CEMIP: variants seen among roughly 807,000 people sequenced by gnomAD.
The protein encoded by CEMIP is cell migration inducing hyaluronidase 1, also known as cell migration-inducing and hyaluronan-binding protein.
A neutral mutation model predicts 156.9 loss-of-function variants in CEMIP; 105 were observed. That is an observed-to-expected ratio of 0.67 (90% confidence interval 0.57 to 0.79). CEMIP has a LOEUF of 0.79. Among genes scored for constraint, CEMIP ranks in the 30% least tolerant of loss-of-function variants. CEMIP has a pLI of 0.00. For synonymous variants in CEMIP, 676 were observed against 668.4 expected (o/e 1.01, Z -0.17); for missense variants, 1,457 against 1,769.4 (o/e 0.82, Z 3.17).
chr15:80,929,474 C>A (rs1900822391), intron 21 of CEMIP, among the ~76,000 whole-genome samples: 1 of 152,190 alleles, frequency 6.6e-6, no homozygotes, highest in Admixed American at 6.5e-5. Flanking sequence ...ACTGTGAGTC[C>A]TTTTCTCTGA....
intron 1 of CEMIP, chr15:80,841,977 T>A (rs1275936981): frequency 1.0e-5 from 4 of 382,750 alleles, no homozygotes; most frequent in African/African-American, 9.0e-5. Flanking sequence ...CCTAGCACAG[T>A]GCCTGGGATA....
intron 19 of CEMIP, among the ~76,000 whole-genome samples, chr15:80,926,807 A>G (rs1346312222): frequency 6.2e-5 from 3 of 48,414 alleles, no homozygotes; most frequent in Non-Finnish European, 8.6e-5. Flanking sequence ...AGAGGCAGAG[A>G]GACTGAGCGG....
chr15:80,845,273 A>G (rs1450426027), intron 1 of CEMIP, among the ~76,000 whole-genome samples: 3 of 152,100 alleles, frequency 2.0e-5, no homozygotes, highest in Non-Finnish European at 4.4e-5. Flanking sequence ...TTCACAAAAA[A>G]TTTAAAATTT....
rs372030568 is a variant in CEMIP, at chr15:80,939,073, C to T, written c.3407+1094C>T. On this transcript the variant is annotated intron_variant, in intron 25 of 29. Coordinates refer to ENST00000394685, the MANE Select transcript of CEMIP (RefSeq NM_001293298.2). The stretch of plus-strand genomic sequence containing the variant: ...CACCTCTTTCCCCACACAAGTGCTA[C>T]GCCAGCTGGGGGCAGACAAGCTGGC... Among the ~76,000 whole-genome samples the T allele has an allele frequency of 1.1e-4, 16 of 152,316 alleles. No individual in the cohort carries two copies. In the South Asian group the frequency reaches 1.2e-3, roughly 12 times the overall value.
At chr15:80,835,252 C>T (rs542391219) in intron 1 of CEMIP, among the ~76,000 whole-genome samples, 181 of 152,180 alleles carry the variant, frequency 1.2e-3, no homozygotes, top group Non-Finnish European at 2.3e-3. Context: ...CTCCAAGTTC[C>T]CCCAATTCAC....
At chr15:80,815,489 G>C (rs1307831754) in intron 1 of CEMIP, among the ~76,000 whole-genome samples, 2 of 152,172 alleles carry the variant, frequency 1.3e-5, no homozygotes, top group African/African-American at 4.8e-5. Flanking sequence ...ACAATGCCTG[G>C]TATATAGTAG....
intron 1 of CEMIP, among the ~76,000 whole-genome samples, chr15:80,844,430 G>C (rs575476215): frequency 6.6e-6 from 1 of 152,344 alleles, no homozygotes; most frequent in South Asian, 2.1e-4. Flanking sequence ...AACAGCTGCA[G>C]GCTCCTCTTC....
At chr15:80,920,858 GCAC>G (rs1446599350) in intron 15 of CEMIP, among the ~76,000 whole-genome samples, 171 bp from the exon 16 acceptor site, 1 of 152,212 alleles carries the variant, frequency 6.6e-6, no homozygotes, top group African/African-American at 2.4e-5. Flanking sequence ...GCTTAAACTA[GCAC>G]CACACTTTAA....
intron 19 of CEMIP, among the ~76,000 whole-genome samples, chr15:80,928,056 G>C (rs1362956945): frequency 6.6e-6 from 1 of 152,180 alleles, no homozygotes; most frequent in Non-Finnish European, 1.5e-5. Flanking sequence ...AGGATATAAA[G>C]CCACGGAAGT....
At chr15:80,880,367 C>G (rs151185859) in intron 5 of CEMIP, among the ~76,000 whole-genome samples, 1 of 152,154 alleles carries the variant, frequency 6.6e-6, no homozygotes, top group African/African-American at 2.4e-5. Context: ...ATAATTGGCA[C>G]GTCTGCTTGG....
chr15:80,929,857 C>T (rs1433703571), intron 21 of CEMIP, among the ~76,000 whole-genome samples: 2 of 152,134 alleles, frequency 1.3e-5, no homozygotes, highest in East Asian at 1.9e-4. Flanking sequence ...GAAGGTCAGA[C>T]GATAAGCAGG....
chr15:80,816,654 C>G (rs143016714), intron 1 of CEMIP, among the ~76,000 whole-genome samples: 1 of 152,166 alleles, frequency 6.6e-6, no homozygotes, highest in African/African-American at 2.4e-5. Flanking sequence ...AACACTCTAA[C>G]CTGACCCTGT....
chr15:80,866,708 C>T (rs532154907), intron 1 of CEMIP, among the ~76,000 whole-genome samples: 1 of 151,502 alleles, frequency 6.6e-6, no homozygotes, highest in East Asian at 1.9e-4. Flanking sequence ...ATGGCATGAA[C>T]CCGGGAGGCA....
chr15:80,946,876 C>G (rs917080634), intron 28 of CEMIP, 89 bp from the exon 29 acceptor site: 3 of 847,686 alleles, frequency 3.5e-6, no homozygotes, highest in Non-Finnish European at 6.0e-6. Flanking sequence ...TAACTCCAGT[C>G]CCACCATGCA....
At chr15:80,895,689 G>A (rs1899195174) in intron 11 of CEMIP, among the ~76,000 whole-genome samples, 180 bp from the exon 12 acceptor site, 1 of 152,144 alleles carries the variant, frequency 6.6e-6, no homozygotes, top group South Asian at 2.1e-4. Context: ...TTTTCTGGTA[G>A]GGTTTTTGTT....
intron 10 of CEMIP, among the ~76,000 whole-genome samples, chr15:80,893,596 C>T (rs954926222): frequency 1.3e-5 from 2 of 152,148 alleles, no homozygotes; most frequent in African/African-American, 4.8e-5. Context: ...CTTAACTGAC[C>T]TTGAGCTTAC....
At chr15:80,800,281 T>A (rs1896343534) in intron 1 of CEMIP, among the ~76,000 whole-genome samples, 1 of 151,966 alleles carries the variant, frequency 6.6e-6, no homozygotes, top group African/African-American at 2.4e-5. Context: ...AGTCGTATGG[T>A]GGGGTGTGGT....
chr15:80,879,940 G>A, intron 5 of CEMIP, 86 bp downstream of exon 5: 1 of 1,486,584 alleles, frequency 6.7e-7, no homozygotes, highest in Non-Finnish European at 9.3e-7. Flanking sequence ...AGGCAAGAGG[G>A]CAAGCTTGCC....
chr15:80,911,305 G>A (rs1332592561), intron 14 of CEMIP, among the ~76,000 whole-genome samples: 1 of 152,236 alleles, frequency 6.6e-6, no homozygotes, highest in Admixed American at 6.5e-5. Flanking sequence ...ACATGGTGAA[G>A]AGAACAATGT....
Sources: allele counts gnomAD v4.1 joint callset (sites outside exome capture counted in the v4.1 genomes callset), GRCh38; gene constraint gnomAD v4.1.1; transcripts MANE v1.5; gene names NCBI Gene and HGNC (gene_info 2026-07-23, HGNC 2026-07-21).